The following WNT7A variants were observed in gnomAD, a reference collection of about 807,000 sequenced individuals.
The protein encoded by WNT7A is protein Wnt-7a.
In WNT7A, 16 loss-of-function variants were observed where a neutral mutation model predicts 28.2. The ratio of observed to expected loss-of-function variants is 0.57; its 90% confidence interval spans 0.38 to 0.86. The LOEUF is 0.86. Ranked by LOEUF, WNT7A falls within the 40% of genes least tolerant of loss-of-function variation. The pLI, the probability that WNT7A is intolerant of heterozygous loss-of-function variation, is 0.00. For missense variants in WNT7A, 411 were observed against 489.7 expected (o/e 0.84, Z 1.52); for synonymous variants, 190 against 195.9 (o/e 0.97, Z 0.25).
rs946577650 is a variant in WNT7A at position 13,816,291 on chromosome 3, C to G, written c.*2653G>C. The G allele has an allele frequency of 6.6e-6, 1 of 152,184 alleles. No homozygotes were observed. The highest frequency in any genetic ancestry group is 1.5e-5 in the Non-Finnish European group (1 of 68,050). 9.4% of individuals were successfully genotyped at this position (152,184 alleles called of 1,614,324 possible). A position where few individuals can be genotyped will look rare whatever the true frequency, so the allele number is the denominator to read the frequency against. On this transcript the variant is annotated 3_prime_UTR_variant, in exon 4 of 4. Coordinates refer to ENST00000285018, the MANE Select transcript of WNT7A (RefSeq NM_004625.4). ...TTGCTTTGCAACTCAAAGTGCCATA[C>G]AGTCATTACTGGGAGGATCCTCACA...
intron 2 of WNT7A, among the ~76,000 whole-genome samples, chr3:13,856,967 A>AGAAGAAGAAGAC (rs1694753867): frequency 8.2e-6 from 1 of 121,856 alleles, no homozygotes; most frequent in Non-Finnish European, 1.6e-5. Flanking sequence ...AAGAAGAAGA[A>AGAAGAAGAAGAC]GGAGAAGAAG....
intron 3 of WNT7A, among the ~76,000 whole-genome samples, chr3:13,839,926 A>T (rs901445975): frequency 1.9e-4 from 29 of 152,196 alleles, no homozygotes; most frequent in Admixed American, 1.9e-3. Context: ...ACCAGCAAGC[A>T]GGGGTGCAGG....
intron 2 of WNT7A, among the ~76,000 whole-genome samples, chr3:13,856,969 GAGA>G (rs1264018617): frequency 2.0e-4 from 12 of 60,292 alleles, no homozygotes; most frequent in African/African-American, 6.5e-4. Context: ...GAAGAAGAAG[GAGA>G]AGAAGAAGAA....
chr3:13,863,652 A>G (rs1332488819), intron 2 of WNT7A: 1 of 152,222 alleles, frequency 6.6e-6, no homozygotes, highest in African/African-American at 2.4e-5. Context: ...AAGCAAGAAT[A>G]AGGAAAGAAT....
At chr3:13,825,718 G>A (rs1374034957) in intron 3 of WNT7A, among the ~76,000 whole-genome samples, 1 of 152,142 alleles carries the variant, frequency 6.6e-6, no homozygotes, top group East Asian at 1.9e-4. Flanking sequence ...GAGAGGCAAG[G>A]GTATAAAGGT....
intron 3 of WNT7A, among the ~76,000 whole-genome samples, chr3:13,844,034 A>G (rs1694501953): frequency 1.3e-5 from 2 of 152,300 alleles, no homozygotes; most frequent in South Asian, 4.1e-4. Flanking sequence ...GGCGGGAGCC[A>G]CCGTGCCTGG....
chr3:13,822,974 C>T (rs1191656238), intron 3 of WNT7A, among the ~76,000 whole-genome samples: 3 of 152,192 alleles, frequency 2.0e-5, no homozygotes, highest in African/African-American at 4.8e-5. Flanking sequence ...GATGGCCTGA[C>T]GCCATGGTGG....
intron 3 of WNT7A, among the ~76,000 whole-genome samples, chr3:13,832,643 G>GA (rs1475622390): frequency 7.4e-6 from 1 of 135,868 alleles, no homozygotes; most frequent in Non-Finnish European, 1.6e-5. Flanking sequence ...TGAAAGAGCA[G>GA]AAAAAATGGC....
chr3:13,829,211 G>T (rs1421831356), intron 3 of WNT7A, among the ~76,000 whole-genome samples: 1 of 152,120 alleles, frequency 6.6e-6, no homozygotes, highest in South Asian at 2.1e-4. Context: ...AAAAGAGCTG[G>T]GGCCCAAGAA....
At position 13,854,765 on chromosome 3, in the gene WNT7A, C is replaced by T. The variant is rs747131288; in HGVS notation, c.337G>A (p.Ala113Thr). Residue 113 changes from alanine to threonine, a missense_variant, in exon 3 of 4, where the codon GCC becomes ACC. Transcript: ENST00000285018. ...EAAFTYAIIA[A>T]GVAHAITAAC... ...GCTGTGATGGCGTGGGCCACGCCGG[C>T]GGCAATGATGGCGTAGGTGAACGCA... 7 of 1,613,588 alleles carry T rather than the reference C, an allele frequency of 4.3e-6. No individual in the cohort carries two copies. The highest frequency in any genetic ancestry group is 3.3e-5 in the South Asian group (3 of 91,080).
chr3:13,835,680 G>A (rs1375497375), intron 3 of WNT7A, among the ~76,000 whole-genome samples: 1 of 152,218 alleles, frequency 6.6e-6, no homozygotes, highest in African/African-American at 2.4e-5. Context: ...GAGGCTGGGG[G>A]AACACTAACA....
chr3:13,827,505 G>A (rs913236298), intron 3 of WNT7A, among the ~76,000 whole-genome samples: 6 of 152,274 alleles, frequency 3.9e-5, no homozygotes, highest in Admixed American at 3.3e-4. Flanking sequence ...GGCCTGGGAG[G>A]GGACTGGGGA....
chr3:13,822,184 A>G (rs1694122034), intron 3 of WNT7A, among the ~76,000 whole-genome samples: 1 of 152,248 alleles, frequency 6.6e-6, no homozygotes, highest in Admixed American at 6.5e-5. Context: ...GCTCCTCAGA[A>G]TGTTAGACAC....
chr3:13,827,601 C>T (rs1210719754), intron 3 of WNT7A, among the ~76,000 whole-genome samples: 3 of 152,038 alleles, frequency 2.0e-5, no homozygotes, highest in Non-Finnish European at 4.4e-5. Context: ...CCCAGACCCT[C>T]GGGCTGCCCA....
chr3:13,829,963 C>A (rs902597492), intron 3 of WNT7A, among the ~76,000 whole-genome samples: 1 of 152,150 alleles, frequency 6.6e-6, no homozygotes, highest in Non-Finnish European at 1.5e-5. Context: ...ATTGCAAACA[C>A]CCTCCCAGCG....
intron 3 of WNT7A, among the ~76,000 whole-genome samples, chr3:13,841,999 C>T (rs375882885): frequency 1.3e-5 from 2 of 151,938 alleles, no homozygotes; most frequent in East Asian, 3.9e-4. Flanking sequence ...GGACCTGGGG[C>T]AGGGACATAC....
At chr3:13,828,689 T>C (rs1217117944) in intron 3 of WNT7A, among the ~76,000 whole-genome samples, 3 of 152,176 alleles carry the variant, frequency 2.0e-5, no homozygotes, top group Non-Finnish European at 2.9e-5. Flanking sequence ...TCTGGGCTCG[T>C]TGAGTATCTG....
At chr3:13,821,714 C>G (rs1206855045) in intron 3 of WNT7A, among the ~76,000 whole-genome samples, 1 of 152,110 alleles carries the variant, frequency 6.6e-6, no homozygotes, top group African/African-American at 2.4e-5. Flanking sequence ...CAAAGGCAGA[C>G]AAAACTGGAT....
chr3:13,852,327 C>T (rs1035353061), intron 3 of WNT7A, among the ~76,000 whole-genome samples: 4 of 152,194 alleles, frequency 2.6e-5, no homozygotes, highest in African/African-American at 7.2e-5. Flanking sequence ...AACACATCTG[C>T]GAGCCTTTCC....
Sources: gnomAD v4.1 joint callset for allele counts (sites outside exome capture counted in the v4.1 genomes callset) on GRCh38, gnomAD v4.1.1 for gene constraint, MANE v1.5 for transcripts, NCBI Gene and HGNC (gene_info 2026-07-23, HGNC 2026-07-21) for gene names.